TMEM209: variants seen among roughly 807,000 people sequenced by gnomAD.
TMEM209 encodes transmembrane protein 209.
A neutral mutation model predicts 76.2 loss-of-function variants in TMEM209; 65 were observed. The ratio of observed to expected loss-of-function variants is 0.85; its 90% CI spans 0.70 to 1.05. The LOEUF is 1.05. Among genes scored for constraint, TMEM209 ranks in the 50% least tolerant of loss-of-function variants. The pLI, the probability that TMEM209 is intolerant of heterozygous loss-of-function variation, is 0.00. For synonymous variants in TMEM209, 239 were observed against 237.6 expected, an observed-to-expected ratio of 1.01 and a Z score of -0.06; for missense variants, 623 against 685.5, an observed-to-expected ratio of 0.91 and a Z score of 1.02.
chr7:130,198,508 G>A (rs960273707), intron 5 of TMEM209, among the ~76,000 whole-genome samples: 1 of 152,042 alleles, frequency 6.6e-6, no homozygotes, highest in Non-Finnish European at 1.5e-5. Flanking sequence ...CTGCTCAGGA[G>A]GCTAAGGCAG....
At chr7:130,170,379 T>C in intron 14 of TMEM209, 21 bp downstream of exon 14, 2 of 1,591,678 alleles carry the variant, frequency 1.3e-6, no homozygotes, top group Non-Finnish European at 1.7e-6. Flanking sequence ...CTACTTACGT[T>C]TTTAAAGCAT....
intron 9 of TMEM209, among the ~76,000 whole-genome samples, chr7:130,179,251 G>C (rs575529095): frequency 2.0e-5 from 3 of 152,204 alleles, no homozygotes; most frequent in Admixed American, 6.5e-5. Flanking sequence ...ATAAATGAAA[G>C]AAAGCATTTT....
intron 5 of TMEM209, among the ~76,000 whole-genome samples, chr7:130,201,113 A>G (rs981792549): frequency 1.2e-4 from 18 of 150,780 alleles, no homozygotes; most frequent in Non-Finnish European, 2.4e-4. Context: ...AAAAAAAAAA[A>G]AAAGAAATAT....
At position 130,204,087 on chromosome 7, in the gene TMEM209, A is replaced by C; in HGVS notation, c.27T>G (p.Ser9Arg). The C allele has an allele frequency of 1.2e-6, 2 of 1,612,224 alleles. No homozygotes were observed. The highest frequency in any genetic ancestry group is 1.7e-6 in the Non-Finnish European group (2 of 1,179,136). ...TGATGGTTCTGTCAATAAGGGAAGC[A>C]CTAGGGTGTGCCTCCCCCTGCATCT... MMQGEAHP[S>R]ASLIDRTIKM... The change falls in exon 2 of 15, where the codon AGT (serine) becomes AGG (arginine). Residue 9 changes from serine to arginine, a missense_variant. Ser to Arg is a moderately radical substitution (Grantham distance 110). Coordinates refer to ENST00000397622, the MANE Select transcript of TMEM209 (RefSeq NM_032842.4).
At chr7:130,171,589 A>G (rs1797068242) in intron 13 of TMEM209, among the ~76,000 whole-genome samples, 1 of 152,246 alleles carries the variant, frequency 6.6e-6, no homozygotes, top group Non-Finnish European at 1.5e-5. Flanking sequence ...CTAAAATATT[A>G]AACTTGAAGA....
At chr7:130,204,618 G>T (rs1307920972) in intron 1 of TMEM209, among the ~76,000 whole-genome samples, 2 of 152,194 alleles carry the variant, frequency 1.3e-5, no homozygotes, top group Non-Finnish European at 2.9e-5. Context: ...GGGATTACAG[G>T]CGTGAGCCAC....
At chr7:130,179,872 G>A (rs1797353026) in intron 9 of TMEM209, among the ~76,000 whole-genome samples, 1 of 152,192 alleles carries the variant, frequency 6.6e-6, no homozygotes, top group Admixed American at 6.5e-5. Flanking sequence ...CGGCTGAGGT[G>A]AGAGGATCTC....
At chr7:130,168,809 C>T (rs1341552638) in intron 14 of TMEM209, among the ~76,000 whole-genome samples, 1 of 152,132 alleles carries the variant, frequency 6.6e-6, no homozygotes, top group Non-Finnish European at 1.5e-5. Flanking sequence ...CTAGTTTATA[C>T]ACTGCTGTGT....
Position 130,165,580 on chromosome 7 carries a change from T to C in TMEM209, c.*871A>G, listed in dbSNP as rs1236570505. ...GTGTTGACTTTTTAAATGTCAATAC[T>C]TTCAAACCTCCTTTAATAATATTTT... On this transcript the variant is annotated 3_prime_UTR_variant, in exon 15 of 15. Coordinates refer to ENST00000397622, the MANE Select transcript of TMEM209 (RefSeq NM_032842.4). 6.6e-6 allele frequency: 1 copy of C among 152,136 alleles called. No individual in the cohort carries two copies. The highest frequency in any genetic ancestry group is 1.5e-5 in the Non-Finnish European group (1 of 68,026). 9.4% of individuals were successfully genotyped at this position (152,136 alleles called of 1,614,324 possible). A position where few individuals can be genotyped will look rare whatever the true frequency, so the allele number is the denominator to read the frequency against.
At chr7:130,168,531 T>C (rs1363682269) in intron 14 of TMEM209, among the ~76,000 whole-genome samples, 1 of 152,186 alleles carries the variant, frequency 6.6e-6, no homozygotes, top group Non-Finnish European at 1.5e-5. Flanking sequence ...CTAATATATA[T>C]GTGTAAGTAT....
Position 130,181,735 on chromosome 7 carries a change from T to C in TMEM209, c.1024-16A>G. On this transcript the variant is annotated splice_polypyrimidine_tract_variant and intron_variant, in intron 8 of 14. Coordinates refer to ENST00000397622, the MANE Select transcript of TMEM209 (RefSeq NM_032842.4). ...CATTGATCCACTAGAAGAAATAAGG[T>C]ACAGATTTTGGATACATAATTCCCA... The C allele has an allele frequency of 6.3e-7, 1 of 1,587,258 alleles. No individual in the cohort carries two copies. Among genetic ancestry groups the C allele is most frequent in the Non-Finnish European group, 8.6e-7 (1 of 1,164,050 alleles).
chr7:130,174,495 T>C (rs1797173224), intron 11 of TMEM209, among the ~76,000 whole-genome samples: 1 of 152,176 alleles, frequency 6.6e-6, no homozygotes, highest in East Asian at 1.9e-4. Context: ...AGCAGGGCAT[T>C]CTTAGTTTTT....
At chr7:130,181,943 TC>T in intron 8 of TMEM209, 1 of 392,228 alleles carries the variant, frequency 2.5e-6, no homozygotes, top group East Asian at 5.0e-5. Flanking sequence ...TAACTTACAT[TC>T]CTTTTTTTTT....
At chr7:130,187,275 AAAC>A (rs1486740185) in intron 6 of TMEM209, among the ~76,000 whole-genome samples, 2 of 152,082 alleles carry the variant, frequency 1.3e-5, no homozygotes, top group Non-Finnish European at 2.9e-5. Flanking sequence ...TCAAAAAAAA[AAAC>A]AACATTATTA....
chr7:130,176,969 C>T (rs901629129), intron 10 of TMEM209, among the ~76,000 whole-genome samples: 5 of 147,944 alleles, frequency 3.4e-5, no homozygotes, highest in Admixed American at 6.8e-5. Flanking sequence ...AGGAGCTATA[C>T]ACTCCTGCAC....
At chr7:130,170,260 T>C (rs1797025971) in intron 14 of TMEM209, 140 bp downstream of exon 14, 1 of 665,448 alleles carries the variant, frequency 1.5e-6, no homozygotes, top group Admixed American at 3.1e-5. Context: ...ATAGCAGAGG[T>C]AGTCTGTGAC....
chr7:130,177,990 G>GT (rs1038582527), intron 10 of TMEM209, among the ~76,000 whole-genome samples: 2 of 152,196 alleles, frequency 1.3e-5, no homozygotes, highest in Admixed American at 1.3e-4. Flanking sequence ...CACAGAGGGT[G>GT]TATGGGGGTG....
chr7:130,173,490 G>A, intron 13 of TMEM209, 142 bp downstream of exon 13: 1 of 587,320 alleles, frequency 1.7e-6, no homozygotes, highest in Non-Finnish European at 2.9e-6. Context: ...TACTTTTATA[G>A]TAAGAAATAT....
intron 6 of TMEM209, among the ~76,000 whole-genome samples, chr7:130,189,338 G>A (rs1043876441): frequency 6.6e-6 from 1 of 152,098 alleles, no homozygotes; most frequent in Non-Finnish European, 1.5e-5. Context: ...CTGGGATACA[G>A]GCTCGCGTCA....
Sources: gnomAD v4.1 joint callset for allele counts (sites outside exome capture counted in the v4.1 genomes callset) on GRCh38, gnomAD v4.1.1 for gene constraint, MANE v1.5 for transcripts, NCBI Gene and HGNC (gene_info 2026-07-23, HGNC 2026-07-21) for gene names.